SPHKAP: variants seen among roughly 807,000 people sequenced by gnomAD.
SPHKAP encodes the protein SPHK1 interactor, AKAP domain containing.
SPHKAP carries 67 observed loss-of-function variants against 137.5 expected under a neutral mutation model. The ratio of observed to expected loss-of-function variants is 0.49; its 90% CI spans 0.40 to 0.60. SPHKAP has a LOEUF of 0.60. Among genes scored for constraint, SPHKAP ranks in the 20% least tolerant of loss-of-function variants. The pLI is 0.00. For missense variants in SPHKAP, 2,097 were observed against 2,069.3 expected, an observed-to-expected ratio of 1.01 and a Z score of -0.26; for synonymous variants, 813 against 785.3, an observed-to-expected ratio of 1.04 and a Z score of -0.59.
At position 228,018,740 on chromosome 2, in the gene SPHKAP, A is replaced by T. The variant is rs2106213576; in HGVS notation, c.2114T>A (p.Leu705Ter). ...AAGCAGTTGATTTGTACTTTCCATT[A>T]AGGTGTCCAGAATTTCAGATGAATG... ...NRHSSEILDTLMESTNQLLLD... is the reference protein window; with the variant it reads ...NRHSSEILDT Residue 705 changes from leucine to a stop codon, truncating the protein, a stop_gained, in exon 7 of 12, where the codon TTA becomes TAA. Transcript: ENST00000392056. LOFTEE classifies it high-confidence loss of function. The T allele has an allele frequency of 6.2e-7, 1 of 1,614,142 alleles. No homozygotes were observed. The highest frequency in any genetic ancestry group is 1.7e-5 in the Admixed American group (1 of 60,022).
chr2:227,993,445 G>T (rs1693494739), intron 9 of SPHKAP, 89 bp downstream of exon 9: 2 of 1,194,514 alleles, frequency 1.7e-6, no homozygotes, highest in African/African-American at 3.0e-5. Context: ...TGAGGTCAGT[G>T]GTTGGGCACA....
chr2:228,096,630 CTGTGTGTGTGTGTGTGTGTG>C (rs59745287), intron 3 of SPHKAP, among the ~76,000 whole-genome samples: 6 of 148,788 alleles, frequency 4.0e-5, no homozygotes, highest in South Asian at 2.2e-4. Context: ...CAGGGGTCAA[CTGTGTGTGTGTGTGTGTGTG>C]TGTGTGTGTG....
intron 3 of SPHKAP, among the ~76,000 whole-genome samples, chr2:228,062,167 A>T (rs200404070): frequency 6.7e-6 from 1 of 150,038 alleles, no homozygotes; most frequent in African/African-American, 2.5e-5. Flanking sequence ...TTTTTTTTTA[A>T]TTTTTCTTTT....
chr2:228,040,969 C>T (rs1462502332), intron 3 of SPHKAP, among the ~76,000 whole-genome samples: 2 of 152,012 alleles, frequency 1.3e-5, no homozygotes, highest in African/African-American at 4.8e-5. Flanking sequence ...ATTATGTGGA[C>T]TAGAAGAAAA....
intron 5 of SPHKAP, 59 bp from the exon 6 acceptor site, chr2:228,022,025 T>G: frequency 6.7e-7 from 1 of 1,495,824 alleles, no homozygotes; most frequent in Non-Finnish European, 8.9e-7. Context: ...GACTATTGCC[T>G]CTGAGCTTTC....
chr2:228,054,306 G>A (rs1441015227), intron 3 of SPHKAP, among the ~76,000 whole-genome samples: 3 of 152,102 alleles, frequency 2.0e-5, no homozygotes, highest in Non-Finnish European at 2.9e-5. Context: ...TGCATATGAG[G>A]GTGAGAATAG....
At chr2:228,126,847 A>C (rs937367174) in intron 2 of SPHKAP, among the ~76,000 whole-genome samples, 10 of 152,214 alleles carry the variant, frequency 6.6e-5, no homozygotes, top group African/African-American at 2.4e-4. Context: ...TGAGGAACAC[A>C]AGCAATTGTG....
At chr2:228,121,443 G>T (rs531187520) in intron 2 of SPHKAP, among the ~76,000 whole-genome samples, 1 of 152,316 alleles carries the variant, frequency 6.6e-6, no homozygotes, top group African/African-American at 2.4e-5. Flanking sequence ...TTGAGCCCAG[G>T]AGTTCGAGGC....
intron 3 of SPHKAP, among the ~76,000 whole-genome samples, chr2:228,048,801 T>C (rs11690200): frequency 0.38 from 58,124 of 152,032 alleles, 11,563 homozygotes; most frequent in South Asian, 0.51. Flanking sequence ...TATGTGTTTT[T>C]TGAGAAGTGT....
intron 3 of SPHKAP, among the ~76,000 whole-genome samples, chr2:228,077,518 C>T (rs1364025306): frequency 6.6e-6 from 1 of 152,268 alleles, no homozygotes; most frequent in Non-Finnish European, 1.5e-5. Context: ...GAAGATTTGA[C>T]TGCCCTGCTG....
rs142981489 is a variant in SPHKAP at position 228,008,167 on chromosome 2, G to A, written c.4448+8239C>T. ...TGTCAGTGTCTTTCACAGAGCAAAA[G>A]TTTTTAATTTTAATAAAGTCTATTT... On this transcript the variant is annotated intron_variant, in intron 7 of 11. Transcript: ENST00000392056. Among the ~76,000 whole-genome samples, 1,339 of 151,894 alleles carry A rather than the reference G, an allele frequency of 8.8e-3. 11 individuals carry two copies. The highest frequency in any genetic ancestry group is 0.014 in the Non-Finnish European group (942 of 67,948).
chr2:228,066,126 C>A (rs1696821576), intron 3 of SPHKAP, among the ~76,000 whole-genome samples: 1 of 152,130 alleles, frequency 6.6e-6, no homozygotes, highest in Non-Finnish European at 1.5e-5. Context: ...CCAAGCAAAA[C>A]CCTGTAGAGT....
In SPHKAP at chr2:228,109,956, CAA is replaced by C. The variant is rs11440513; in HGVS notation, c.139-1019_139-1018del. ...TTGGGCAACAAGAGTGAAAATGTCT[CAA>C]AAAAAAAAAAAAAAAAAAAAGCCTA... On this transcript the variant is annotated intron_variant, in intron 2 of 11. Coordinates refer to ENST00000392056, the MANE Select transcript of SPHKAP (RefSeq NM_001142644.2). 5.3e-3 allele frequency among the ~76,000 whole-genome samples: 297 copies of C among 56,242 alleles called. 1 individual carries two copies. The highest frequency in any genetic ancestry group is 0.021 in the African/African-American group (283 of 13,754). 36.9% of individuals were successfully genotyped at this position (56,242 alleles called of 152,430 possible).
intron 7 of SPHKAP, among the ~76,000 whole-genome samples, chr2:228,014,188 T>C (rs1319940784): frequency 6.6e-6 from 1 of 152,218 alleles, no homozygotes; most frequent in Non-Finnish European, 1.5e-5. Context: ...TACTATTTCA[T>C]GAACATTCCC....
At chr2:228,028,696 T>C (rs1007536003) in intron 3 of SPHKAP, among the ~76,000 whole-genome samples, 42 of 152,238 alleles carry the variant, frequency 2.8e-4, no homozygotes, top group African/African-American at 1.0e-3. Context: ...AGTAATAGGT[T>C]ATACCATATA....
chr2:228,106,537 T>C (rs1574854981), intron 3 of SPHKAP, among the ~76,000 whole-genome samples: 1 of 152,362 alleles, frequency 6.6e-6, no homozygotes, highest in East Asian at 1.9e-4. Context: ...AATGAGAACA[T>C]TATTTTAAAA....
chr2:228,133,989 G>T (rs148892075), intron 1 of SPHKAP, among the ~76,000 whole-genome samples: 10 of 151,968 alleles, frequency 6.6e-5, no homozygotes, highest in African/African-American at 2.4e-4. Context: ...CACATGAAAG[G>T]ATAACACCCA....
chr2:228,131,594 G>A (rs1699252389), intron 2 of SPHKAP, among the ~76,000 whole-genome samples: 1 of 151,554 alleles, frequency 6.6e-6, no homozygotes. Context: ...AATATCAAAA[G>A]CAAAACAGCC....
At chr2:228,140,536 CT>C (rs1457765401) in intron 1 of SPHKAP, among the ~76,000 whole-genome samples, 1 of 152,082 alleles carries the variant, frequency 6.6e-6, no homozygotes, top group Non-Finnish European at 1.5e-5. Flanking sequence ...GCTTTACATA[CT>C]AATTTCATTA....
Sources: allele counts gnomAD v4.1 joint callset (sites outside exome capture counted in the v4.1 genomes callset), GRCh38; gene constraint gnomAD v4.1.1; transcripts MANE v1.5; gene names NCBI Gene and HGNC (gene_info 2026-07-23, HGNC 2026-07-21).